PTPRN2: variants seen among roughly 807,000 people sequenced by gnomAD.
The protein encoded by PTPRN2 is protein tyrosine phosphatase receptor type N2, also known as receptor-type tyrosine-protein phosphatase N2.
In PTPRN2, 74 loss-of-function variants were observed where a neutral mutation model predicts 118.8. The observed-to-expected ratio is 0.62, with a 90% CI of 0.52 to 0.76. The LOEUF (loss-of-function observed/expected upper bound fraction) is 0.76. PTPRN2 is among the 30% of genes least tolerant of loss of function. The pLI is 0.00. For synonymous variants in PTPRN2, 641 were observed against 608.0 expected, an observed-to-expected ratio of 1.05 and a Z score of -0.80; for missense variants, 1,481 against 1,394.4, an observed-to-expected ratio of 1.06 and a Z score of -0.99.
rs562678832 is a variant in PTPRN2, at chr7:157,878,462, G to A, written c.1788+20211C>T. 5.4e-4 allele frequency among the ~76,000 whole-genome samples: 74 copies of A among 136,424 alleles called. 1 individual carries two copies. Among genetic ancestry groups the A allele is most frequent in the Non-Finnish European group, 9.0e-4 (58 of 64,358 alleles). 89.5% of individuals were successfully genotyped at this position (136,424 alleles called of 152,430 possible). On this transcript the variant is annotated intron_variant, in intron 12 of 22. Transcript: ENST00000389418. ...ACTCACCGAGGAGCTCTCGGATTCCGTGGGGCTGGAAGGGTCAGTGTGATA... is the reference window on the plus strand; with the variant it reads ...ACTCACCGAGGAGCTCTCGGATTCCATGGGGCTGGAAGGGTCAGTGTGATA...
At chr7:158,041,259 C>G (rs1808444056) in intron 11 of PTPRN2, among the ~76,000 whole-genome samples, 1 of 152,194 alleles carries the variant, frequency 6.6e-6, no homozygotes, top group Non-Finnish European at 1.5e-5. Flanking sequence ...GGGAAGTTCA[C>G]AGCAAGAATA....
At chr7:157,765,579 ATCCATCCATCATTGC>A (rs1802409273) in intron 12 of PTPRN2, among the ~76,000 whole-genome samples, 1 of 120,118 alleles carries the variant, frequency 8.3e-6, no homozygotes, top group African/African-American at 3.3e-5. Flanking sequence ...CCACTCATCC[ATCCATCCATCATTGC>A]TCCATCCATC....
At chr7:158,464,136 C>T (rs77160855) in intron 2 of PTPRN2, among the ~76,000 whole-genome samples, 62 of 57,884 alleles carry the variant, frequency 1.1e-3, no homozygotes, top group Middle Eastern at 0.024. Context: ...TCCTTCATCA[C>T]CACCGTCATC....
intron 12 of PTPRN2, among the ~76,000 whole-genome samples, chr7:157,820,784 A>T (rs1485935011): frequency 3.3e-5 from 5 of 152,236 alleles, no homozygotes; most frequent in Admixed American, 3.3e-4. Context: ...CATGAGAATG[A>T]TCTTGGAGTT....
rs1441493749 is a variant in PTPRN2, at chr7:157,587,185, T to TAGAGACAAGACAGGCAGGCAGAC, written c.2496+8030_2496+8052dup. On this transcript the variant is annotated intron_variant, in intron 17 of 22. Transcript: ENST00000389418. This position sits in a 1 kb window ranked among gnomAD's most constrained non-coding sequence, Gnocchi z 5.3. ...CAGGCAGACAGACAAGACAGGCAGA[T>TAGAGACAAGACAGGCAGGCAGAC]AGAGACAAGACAGGCAGGCAGACAG... is the stretch of plus-strand genomic sequence containing the variant. Among the ~76,000 whole-genome samples, 12 of 140,848 alleles carry TAGAGACAAGACAGGCAGGCAGAC rather than the reference T, an allele frequency of 8.5e-5. No homozygotes were observed. Among genetic ancestry groups the TAGAGACAAGACAGGCAGGCAGAC allele is most frequent in the African/African-American group, 3.0e-4 (12 of 40,026 alleles). 92.4% of individuals were successfully genotyped at this position (140,848 alleles called of 152,430 possible).
intron 1 of PTPRN2, among the ~76,000 whole-genome samples, chr7:158,545,211 T>C (rs546779271): frequency 6.6e-6 from 1 of 152,336 alleles, no homozygotes; most frequent in South Asian, 2.1e-4. Context: ...AGAGCCTCTA[T>C]CCACCCAGTC....
intron 9 of PTPRN2, among the ~76,000 whole-genome samples, chr7:158,113,051 G>A (rs190700201): frequency 5.9e-5 from 9 of 151,676 alleles, no homozygotes; most frequent in African/African-American, 1.9e-4. Context: ...AGCATTGAGG[G>A]CCCCCCAACA....
At chr7:158,508,622 G>A (rs959843264) in intron 1 of PTPRN2, among the ~76,000 whole-genome samples, 11 of 145,722 alleles carry the variant, frequency 7.5e-5, no homozygotes, top group Non-Finnish European at 1.4e-4. Context: ...TGGGACGCTC[G>A]GAGCAGGTGC....
At chr7:157,939,998 T>C (rs1799947335) in intron 11 of PTPRN2, among the ~76,000 whole-genome samples, 1 of 152,122 alleles carries the variant, frequency 6.6e-6, no homozygotes, top group African/African-American at 2.4e-5. Flanking sequence ...TGTCGCCGCA[T>C]GGGCAGCAGA....
At chr7:158,276,143 C>T (rs913784853) in intron 3 of PTPRN2, among the ~76,000 whole-genome samples, 1 of 152,124 alleles carries the variant, frequency 6.6e-6, no homozygotes, top group Non-Finnish European at 1.5e-5. Context: ...CCTCCCTCCC[C>T]AAGTGTTCGT....
chr7:157,758,319 T>C (rs73744872), intron 12 of PTPRN2, among the ~76,000 whole-genome samples: 1,904 of 152,356 alleles, frequency 0.012, 37 homozygotes, highest in African/African-American at 0.043. Flanking sequence ...TCCTGGGTCA[T>C]GCTCCGCTCA....
intron 2 of PTPRN2, among the ~76,000 whole-genome samples, chr7:158,326,811 A>G (rs878979655): frequency 1.5e-5 from 2 of 136,330 alleles, no homozygotes; most frequent in South Asian, 2.6e-4. Flanking sequence ...ATTCTCACAC[A>G]TGCACACATC....
chr7:157,570,236 T>C (rs569026355), intron 20 of PTPRN2, among the ~76,000 whole-genome samples: 1 of 152,370 alleles, frequency 6.6e-6, no homozygotes, highest in East Asian at 1.9e-4. Context: ...TTCTCACTTG[T>C]CTCCTATGCA....
At chr7:157,777,146 T>C (rs571447678) in intron 12 of PTPRN2, among the ~76,000 whole-genome samples, 13 of 152,282 alleles carry the variant, frequency 8.5e-5, no homozygotes, top group African/African-American at 3.1e-4. Flanking sequence ...AACACTTTTA[T>C]CCTCAGTATC....
intron 3 of PTPRN2, among the ~76,000 whole-genome samples, chr7:158,225,734 G>C (rs1386979945): frequency 6.6e-6 from 1 of 152,214 alleles, no homozygotes; most frequent in Non-Finnish European, 1.5e-5. Context: ...ATAGAAACAA[G>C]TGGTATTTGA....
chr7:158,400,948 G>A (rs1182361361), intron 2 of PTPRN2, among the ~76,000 whole-genome samples: 1 of 152,074 alleles, frequency 6.6e-6, no homozygotes, highest in Admixed American at 6.5e-5. Flanking sequence ...AACCTCACGA[G>A]GAAAGCCGAG....
At position 158,574,693 on chromosome 7, in the gene PTPRN2, C is replaced by T. The variant is rs1828228530; in HGVS notation, c.112+12865G>A. ...GGAAGGGGCCAATACTTCTTTCTTT[C>T]TTTTAAAGTTTGTTCTGCCATAATT... On this transcript the variant is annotated intron_variant, in intron 1 of 22. Coordinates refer to ENST00000389418, the MANE Select transcript of PTPRN2 (RefSeq NM_002847.5). The surrounding 1 kb of genome is among the most constrained non-coding windows in gnomAD (Gnocchi z 4.6). 2.0e-5 allele frequency among the ~76,000 whole-genome samples: 3 copies of T among 152,222 alleles called. No individual in the cohort carries two copies. Among genetic ancestry groups the T allele is most frequent in the Admixed American group, 2.0e-4 (3 of 15,288 alleles).
At chr7:157,683,238 C>T (rs1021464409) in intron 12 of PTPRN2, among the ~76,000 whole-genome samples, 6 of 152,184 alleles carry the variant, frequency 3.9e-5, no homozygotes, top group African/African-American at 1.4e-4. Flanking sequence ...TAATTTGCTG[C>T]CTTAAGTAAA....
intron 15 of PTPRN2, among the ~76,000 whole-genome samples, chr7:157,614,474 C>A (rs74436577): frequency 5.9e-5 from 9 of 152,240 alleles, no homozygotes; most frequent in African/African-American, 2.2e-4. Flanking sequence ...ATTAAAAAGA[C>A]GAAAGAGACA....
Sources: allele counts gnomAD v4.1 joint callset (sites outside exome capture counted in the v4.1 genomes callset), GRCh38; gene constraint gnomAD v4.1.1; non-coding constraint Gnocchi (gnomAD v3.1); transcripts MANE v1.5; gene names NCBI Gene and HGNC (gene_info 2026-07-23, HGNC 2026-07-21).